OFD1: variants seen among roughly 807,000 people sequenced by gnomAD.
OFD1 encodes the protein OFD1 centriole and centriolar satellite protein.
OFD1 carries 12 observed loss-of-function variants against 81.4 expected under a neutral mutation model. The ratio of observed to expected loss-of-function variants is 0.15; its 90% CI spans 0.09 to 0.24. OFD1 has a LOEUF of 0.24. OFD1 is among the 10% of genes least tolerant of loss of function. The probability of loss-of-function intolerance (pLI) is 1.00; values close to 1 mark genes in which losing one functional copy is unlikely to be tolerated. For missense variants in OFD1, 685 were observed against 733.9 expected, an observed-to-expected ratio of 0.93 and a Z score of 0.77; for synonymous variants, 256 against 263.7, an observed-to-expected ratio of 0.97 and a Z score of 0.28.
At chrX:13,766,514 A>G (rs1421923964) in intron 19 of OFD1, among the ~76,000 whole-genome samples, 2 of 111,241 alleles carry the variant, frequency 1.8e-5, no homozygotes, top group African/African-American at 6.6e-5. Flanking sequence ...GGCTAGGGAG[A>G]GAGACCAGGA....
At chrX:13,743,530 G>A (rs966029905) in intron 5 of OFD1, among the ~76,000 whole-genome samples, 1 of 111,985 alleles carries the variant, frequency 8.9e-6, no homozygotes, top group African/African-American at 3.3e-5. Flanking sequence ...ATATATATAA[G>A]CACTGACAAA....
chrX:13,715,789 C>T, the OFD1 span: 1 of 924,068 alleles, frequency 1.1e-6, no homozygotes, highest in Non-Finnish European at 1.4e-6. Flanking sequence ...TCACAATCAT[C>T]TAAAGGTAAC....
rs1257547666 is a variant in OFD1, at chrX:13,768,085, T to G, written c.2789T>G (p.Ile930Arg). Residue 930 changes from isoleucine (I) to arginine (R), a missense_variant, in exon 21 of 23, where the codon ATA becomes AGA. This residue lies in a region of OFD1 where 259 missense variants were observed against 254.4 expected (regional missense o/e 1.02). Transcript: ENST00000340096. ...ATTGAAGAATCACTGAAGATTAAAA[T>G]AAAAAAGGAATTAGAAATGGAAAAT... ...KMIEESLKIK[I>R]KKELEMENEL... 1.7e-6 allele frequency: 2 copies of G among 1,177,736 alleles called. No individual in the cohort carries two copies. Among genetic ancestry groups the G allele is most frequent in the East Asian group, 5.9e-5 (2 of 33,694 alleles).
chrX:13,716,234 G>A, the OFD1 span: 3 of 696,554 alleles, frequency 4.3e-6, no homozygotes, highest in Non-Finnish European at 6.2e-6. Context: ...AATTAGCTTA[G>A]TTTTATCATA....
chrX:13,735,479 TC>T, intron 2 of OFD1, 133 bp downstream of exon 2: 2 of 535,949 alleles, frequency 3.7e-6, no homozygotes, highest in East Asian at 7.2e-5. Context: ...ATTTTTATAT[TC>T]CCGAATAACT....
chrX:13,723,125 G>A, the OFD1 span, among the ~76,000 whole-genome samples: 5 of 108,316 alleles, frequency 4.6e-5, no homozygotes, highest in Non-Finnish European at 5.7e-5. Context: ...TGTGGCTAGT[G>A]AGAATGTAGA....
At chrX:13,718,423 G>A in the OFD1 span, among the ~76,000 whole-genome samples, 1 of 112,883 alleles carries the variant, frequency 8.9e-6, no homozygotes, top group Non-Finnish European at 1.9e-5. Context: ...AACTGAAAAC[G>A]CTTTAAGAAA....
intron 6 of OFD1, among the ~76,000 whole-genome samples, chrX:13,745,061 C>T (rs1401160325): frequency 8.9e-6 from 1 of 112,002 alleles, no homozygotes; most frequent in African/African-American, 3.2e-5. Context: ...CTGTCAGTTT[C>T]GTGCTCAGTA....
Position 13,755,141 on chromosome X carries a change from CT to C in OFD1, c.1130-4del. On this transcript the variant is annotated splice_polypyrimidine_tract_variant and intron_variant, in intron 11 of 22. Coordinates refer to ENST00000340096, the MANE Select transcript of OFD1 (RefSeq NM_003611.3). ...CATTATGGTGTTTAATTGGTGGGCT[CT>C]TTTTTCAGAAAAAGCTGTTCATTTG... is the stretch of plus-strand genomic sequence containing the variant. The C allele has an allele frequency of 1.7e-6, 2 of 1,185,568 alleles. No individual in the cohort carries two copies. Among genetic ancestry groups the C allele is most frequent in the Non-Finnish European group, 1.1e-6 (1 of 872,413 alleles).
the OFD1 span, chrX:13,715,448 G>A: frequency 3.4e-3 from 384 of 113,076 alleles, 3 homozygotes; most frequent in Non-Finnish European, 4.2e-3. Flanking sequence ...ACTCCAGCCT[G>A]GGTGACAGAG....
downstream of OFD1, chrX:13,772,947 T>C (rs2048327671): frequency 8.3e-7 from 1 of 1,208,977 alleles, no homozygotes; most frequent in Admixed American, 2.2e-5. Flanking sequence ...GTTCTTCCTT[T>C]GCTTTGATAT....
the OFD1 span, chrX:13,716,583 A>G: frequency 4.1e-6 from 5 of 1,211,748 alleles, no homozygotes; most frequent in South Asian, 1.8e-5. Flanking sequence ...ACTTGTCCAC[A>G]GTTTTCAAGT....
intron 2 of OFD1, 62 bp downstream of exon 2, chrX:13,735,408 A>C: frequency 1.2e-6 from 1 of 855,682 alleles, no homozygotes; most frequent in Non-Finnish European, 1.8e-6. Flanking sequence ...AGGTAGTTCA[A>C]ATTCAATCAA....
chrX:13,757,954 T>G (rs777581448), intron 14 of OFD1, among the ~76,000 whole-genome samples, 164 bp downstream of exon 14: 2 of 112,290 alleles, frequency 1.8e-5, no homozygotes, highest in South Asian at 7.3e-4. Context: ...AATTCTGCAG[T>G]GATAACGTGA....
In OFD1 at chrX:13,769,165, C is replaced by T. The variant is rs938948596; in HGVS notation, c.*57C>T. ...ACCGTGAGAAGTTACGTAACATTTA[C>T]TCCTTTGTAAATGTTTCCCTATCAT... On this transcript the variant is annotated 3_prime_UTR_variant, in exon 23 of 23. Coordinates refer to ENST00000340096, the MANE Select transcript of OFD1 (RefSeq NM_003611.3). 4 of 919,303 alleles carry T rather than the reference C, an allele frequency of 4.4e-6. No homozygotes were observed. Among genetic ancestry groups the T allele is most frequent in the Non-Finnish European group, 6.3e-6 (4 of 631,978 alleles). 75.8% of individuals were successfully genotyped at this position (919,303 alleles called of 1,213,427 possible).
In OFD1 at chrX:13,761,227, T is replaced by G. The variant is rs1266969391; in HGVS notation, c.2387+16T>G. On this transcript the variant is annotated intron_variant, in intron 17 of 22. Coordinates refer to ENST00000340096, the MANE Select transcript of OFD1 (RefSeq NM_003611.3). ...AGAAAGTGGGGTAAGTATAACGTTC[T>G]GATTGATTAGCTTCAGCTGAATAAT... 2.5e-6 allele frequency: 3 copies of G among 1,205,559 alleles called. No individual in the cohort carries two copies. Among genetic ancestry groups the G allele is most frequent in the Non-Finnish European group, 2.2e-6 (2 of 892,054 alleles).
Position 13,749,449 on chromosome X carries a change from C to G in OFD1, c.851C>G (p.Ala284Gly), listed in dbSNP as rs376380884. The G allele has an allele frequency of 1.7e-6, 2 of 1,188,731 alleles. No homozygotes were observed. The highest frequency in any genetic ancestry group is 2.2e-5 in the Admixed American group (1 of 45,771). ...CAGATTGAAACAAAAGAAATTTATG[C>G]TCAAAGGCAACTTTTACTAAAAGAT... ...HQEIETKEIY[A>G]QRQLLLKDMD... is the part of the protein sequence containing the mutation. The change falls in exon 9 of 23, where the codon GCT becomes GGT. Residue 284 changes from alanine to glycine, a missense_variant. Physicochemically the swap from Ala to Gly is moderately conservative, Grantham distance 60. This residue lies in a region of OFD1 where 414 missense variants were observed against 447.2 expected (regional missense o/e 0.93). Coordinates refer to ENST00000340096, the MANE Select transcript of OFD1 (RefSeq NM_003611.3).
chrX:13,768,275 T>A (rs1292407669), intron 21 of OFD1, 51 bp downstream of exon 21: 2 of 970,377 alleles, frequency 2.1e-6, no homozygotes. Context: ...ATCCAGGGCT[T>A]CCGTGGCTTA....
chrX:13,731,652 A>C, upstream of OFD1, among the ~76,000 whole-genome samples: 1 of 111,509 alleles, frequency 9.0e-6, no homozygotes, highest in Middle Eastern at 4.6e-3. Flanking sequence ...CAACAGTGCC[A>C]GGGACCCAGA....
Sources: allele counts gnomAD v4.1 joint callset (sites outside exome capture counted in the v4.1 genomes callset), GRCh38; gene constraint gnomAD v4.1.1; regional missense constraint gnomAD v4.1.1; transcripts MANE v1.5; gene names NCBI Gene and HGNC (gene_info 2026-07-23, HGNC 2026-07-21).